ROBO1: variants seen among roughly 807,000 people sequenced by gnomAD.
The protein encoded by ROBO1 is roundabout homolog 1.
In ROBO1, 149 loss-of-function variants were observed where a neutral mutation model predicts 195.9. The observed-to-expected ratio is 0.76, with a 90% CI of 0.67 to 0.87. The LOEUF is 0.87. ROBO1 is among the 40% of genes least tolerant of loss of function. The pLI, the probability that ROBO1 is intolerant of heterozygous loss-of-function variation, is 0.00. For missense variants in ROBO1, 1,933 were observed against 2,068.3 expected (o/e 0.93, Z 1.27); for synonymous variants, 816 against 733.2 (o/e 1.11, Z -1.82).
At chr3:79,580,003 A>G (rs989747932) in intron 2 of ROBO1, among the ~76,000 whole-genome samples, 4 of 152,148 alleles carry the variant, frequency 2.6e-5, no homozygotes, top group African/African-American at 9.7e-5. Context: ...TAAACAAGAT[A>G]AAACATTGAA....
intron 2 of ROBO1, among the ~76,000 whole-genome samples, chr3:79,403,606 G>T (rs1319975487): frequency 6.6e-6 from 1 of 151,902 alleles, no homozygotes; most frequent in Non-Finnish European, 1.5e-5. Flanking sequence ...TCTTAGGTGT[G>T]GTTTTACCCT....
At chr3:79,001,733 T>C (rs2077509173) in intron 3 of ROBO1, among the ~76,000 whole-genome samples, 1 of 152,112 alleles carries the variant, frequency 6.6e-6, no homozygotes, top group Admixed American at 6.6e-5. Flanking sequence ...ATAGAGCTTA[T>C]CACTATAATT....
intron 2 of ROBO1, among the ~76,000 whole-genome samples, chr3:79,506,117 GTTTA>G (rs1395549415): frequency 5.9e-5 from 9 of 151,938 alleles, no homozygotes; most frequent in East Asian, 1.9e-4. Flanking sequence ...GAGATCACAG[GTTTA>G]TTTATTTATT....
intron 2 of ROBO1, among the ~76,000 whole-genome samples, chr3:79,557,198 C>T (rs1057261266): frequency 7.3e-5 from 11 of 151,628 alleles, no homozygotes; most frequent in East Asian, 3.9e-4. Context: ...TTGCCTGTCT[C>T]GATACCCATT....
intron 28 of ROBO1, among the ~76,000 whole-genome samples, chr3:78,613,229 G>C (rs1243120381): frequency 1.3e-5 from 2 of 152,200 alleles, no homozygotes; most frequent in African/African-American, 4.8e-5. Flanking sequence ...CTTTAGGCCA[G>C]ATTTTCTCCC....
intron 2 of ROBO1, among the ~76,000 whole-genome samples, chr3:79,273,094 T>C (rs1341955488): frequency 6.6e-6 from 1 of 152,020 alleles, no homozygotes; most frequent in Non-Finnish European, 1.5e-5. Flanking sequence ...AGACCTACCT[T>C]ATAAGAAATG....
chr3:78,970,714 G>C (rs111958842), intron 3 of ROBO1, among the ~76,000 whole-genome samples: 8 of 152,174 alleles, frequency 5.3e-5, no homozygotes, highest in African/African-American at 1.9e-4. Context: ...TCATCTTCCA[G>C]AACAATTATA....
chr3:78,701,376 T>G (rs1337131543), intron 8 of ROBO1, among the ~76,000 whole-genome samples: 1 of 152,164 alleles, frequency 6.6e-6, no homozygotes, highest in East Asian at 1.9e-4. Context: ...AGCAGCCAAT[T>G]CCGTGCCTGA....
intron 2 of ROBO1, among the ~76,000 whole-genome samples, chr3:79,456,711 C>T (rs2039630404): frequency 6.6e-6 from 1 of 152,212 alleles, no homozygotes; most frequent in Admixed American, 6.5e-5. Context: ...GGTCTAGCCC[C>T]TAGTAAATAT....
intron 2 of ROBO1, among the ~76,000 whole-genome samples, chr3:79,516,913 C>T (rs1395873424): frequency 1.3e-5 from 2 of 152,138 alleles, no homozygotes; most frequent in Non-Finnish European, 2.9e-5. Flanking sequence ...TCCTGTAAGG[C>T]AATACCAATT....
At position 78,633,289 on chromosome 3, in the gene ROBO1, A is replaced by G. The variant is rs561183190; in HGVS notation, c.3481+646T>C. On this transcript the variant is annotated intron_variant, in intron 24 of 30. Transcript: ENST00000464233. ...CCTTTAATTAGAAAAACAGGACTTA[A>G]GTACCCAGCAAGCTCCCATCTGCAG... Among the ~76,000 whole-genome samples the G allele has an allele frequency of 5.9e-5, 9 of 152,322 alleles. No homozygotes were observed. In the South Asian group the frequency reaches 1.9e-3, roughly 32 times the overall value.
intron 2 of ROBO1, among the ~76,000 whole-genome samples, chr3:79,152,176 A>G (rs1331463651): frequency 6.6e-6 from 1 of 151,896 alleles, no homozygotes; most frequent in Non-Finnish European, 1.5e-5. Context: ...ATGTAGAAAT[A>G]TGTTACATGT....
At chr3:78,605,378 C>T (rs1703409261) in intron 29 of ROBO1, among the ~76,000 whole-genome samples, 1 of 152,172 alleles carries the variant, frequency 6.6e-6, no homozygotes. Context: ...CAATATTTCA[C>T]AATAGCTGAA....
intron 13 of ROBO1, 30 bp from the exon 14 acceptor site, chr3:78,668,079 C>G (rs757726437): frequency 6.2e-7 from 1 of 1,611,452 alleles, no homozygotes; most frequent in Admixed American, 1.7e-5. Context: ...TTAGAACATG[C>G]GTATTTAATG....
intron 1 of ROBO1, among the ~76,000 whole-genome samples, chr3:79,751,429 A>T (rs191837012): frequency 1.3e-5 from 2 of 152,314 alleles, no homozygotes; most frequent in Admixed American, 1.3e-4. Context: ...CTAGAAATTT[A>T]AAAATTCAAT....
At chr3:79,195,514 A>T (rs1205318009) in intron 2 of ROBO1, among the ~76,000 whole-genome samples, 1 of 151,584 alleles carries the variant, frequency 6.6e-6, no homozygotes, top group Non-Finnish European at 1.5e-5. Context: ...AGAACTTTTT[A>T]CTTTTTGAAA....
intron 1 of ROBO1, among the ~76,000 whole-genome samples, chr3:79,651,433 T>C (rs992021017): frequency 6.6e-5 from 10 of 152,162 alleles, no homozygotes; most frequent in African/African-American, 2.4e-4. Flanking sequence ...TAAAAGCACC[T>C]ATAACTAAAA....
chr3:78,896,946 C>T (rs910477549), intron 4 of ROBO1, among the ~76,000 whole-genome samples: 3 of 152,146 alleles, frequency 2.0e-5, no homozygotes, highest in African/African-American at 4.8e-5. Context: ...ATTCTTAGTT[C>T]ACAATCAACG....
At chr3:79,731,843 G>A (rs1703159771) in intron 1 of ROBO1, among the ~76,000 whole-genome samples, 2 of 152,166 alleles carry the variant, frequency 1.3e-5, no homozygotes, top group Non-Finnish European at 2.9e-5. Flanking sequence ...AGCTGTTTGG[G>A]AAGTAAGTTT....
Sources: allele counts gnomAD v4.1 joint callset (sites outside exome capture counted in the v4.1 genomes callset), GRCh38; gene constraint gnomAD v4.1.1; transcripts MANE v1.5; gene names NCBI Gene and HGNC (gene_info 2026-07-23, HGNC 2026-07-21).